CDH8: variants seen among roughly 807,000 people sequenced by gnomAD.
CDH8 encodes the protein cadherin-8.
In CDH8, 17 loss-of-function variants were observed where a neutral mutation model predicts 68.1. That is an observed-to-expected ratio of 0.25 (90% CI 0.17 to 0.37). CDH8 has a LOEUF of 0.37. Ranked by LOEUF, CDH8 falls within the 10% of genes least tolerant of loss-of-function variation. CDH8 has a pLI of 1.00. For synonymous variants in CDH8, 372 were observed against 365.1 expected (o/e 1.02, Z -0.21); for missense variants, 763 against 999.3 (o/e 0.76, Z 3.19).
chr16:61,782,130 G>T (rs529018816), intron 8 of CDH8, among the ~76,000 whole-genome samples: 1 of 152,188 alleles, frequency 6.6e-6, no homozygotes, highest in African/African-American at 2.4e-5. Flanking sequence ...AGCTCCCAGC[G>T]TGAGCGACGC....
At chr16:62,031,640 T>G (rs1902327627) in intron 1 of CDH8, among the ~76,000 whole-genome samples, 1 of 150,398 alleles carries the variant, frequency 6.6e-6, no homozygotes, top group Admixed American at 6.7e-5. Flanking sequence ...TCTATATACT[T>G]CTACCTACTA....
At chr16:61,993,720 T>A (rs1393893474) in intron 2 of CDH8, among the ~76,000 whole-genome samples, 2 of 152,176 alleles carry the variant, frequency 1.3e-5, no homozygotes, top group Non-Finnish European at 2.9e-5. Flanking sequence ...TTATGTGTGT[T>A]CATGCTTGTT....
intron 2 of CDH8, among the ~76,000 whole-genome samples, chr16:61,952,032 G>A (rs574057805): frequency 6.6e-6 from 1 of 152,116 alleles, no homozygotes; most frequent in Non-Finnish European, 1.5e-5. Context: ...GAAGACAGTG[G>A]CCATGTCTTC....
At chr16:61,747,938 T>C (rs1478438670) in intron 8 of CDH8, among the ~76,000 whole-genome samples, 1 of 152,062 alleles carries the variant, frequency 6.6e-6, no homozygotes, top group Non-Finnish European at 1.5e-5. Context: ...GGCTAAAAAA[T>C]AATTTATTTT....
chr16:61,725,021 T>G (rs1057291440), intron 9 of CDH8: 1 of 150,902 alleles, frequency 6.6e-6, no homozygotes, highest in Non-Finnish European at 1.5e-5. Context: ...CAGCCATATG[T>G]CCAAAAATGT....
intron 10 of CDH8, among the ~76,000 whole-genome samples, chr16:61,677,274 G>A (rs955069267): frequency 2.7e-5 from 4 of 149,374 alleles, no homozygotes; most frequent in Non-Finnish European, 4.5e-5. Flanking sequence ...TGATATAGCT[G>A]TAACCTGTCA....
Position 61,686,683 on chromosome 16 carries a change from G to C in CDH8, c.1654+27158C>G, listed in dbSNP as rs925660339. 1.6e-4 allele frequency among the ~76,000 whole-genome samples: 24 copies of C among 152,046 alleles called. 1 individual carries two copies. Among genetic ancestry groups the C allele is most frequent in the African/African-American group, 5.5e-4 (23 of 41,502 alleles). ...TGCAGTGAAATTGTTATCTATGTTG[G>C]AAATGCTACTTGGGTAAAGAAAAAG... On this transcript the variant is annotated intron_variant, in intron 10 of 11. Coordinates refer to ENST00000577390, the MANE Select transcript of CDH8 (RefSeq NM_001796.5).
chr16:61,758,190 C>T (rs1960370153), intron 8 of CDH8, among the ~76,000 whole-genome samples: 1 of 151,986 alleles, frequency 6.6e-6, no homozygotes, highest in Admixed American at 6.6e-5. Flanking sequence ...GAAAGGAAAC[C>T]TGTGTATATA....
chr16:61,685,625 A>G (rs1029051341), intron 10 of CDH8, among the ~76,000 whole-genome samples: 1 of 152,070 alleles, frequency 6.6e-6, no homozygotes, highest in Non-Finnish European at 1.5e-5. Context: ...TATTTTACAT[A>G]AGAGTGAGGA....
At chr16:61,813,778 G>A (rs140370103) in intron 7 of CDH8, among the ~76,000 whole-genome samples, 2 of 152,170 alleles carry the variant, frequency 1.3e-5, no homozygotes, top group East Asian at 3.9e-4. Context: ...CCCAGCTTTA[G>A]CTGCAACATA....
chr16:62,022,690 C>G (rs1395263084), intron 1 of CDH8, among the ~76,000 whole-genome samples: 1 of 152,094 alleles, frequency 6.6e-6, no homozygotes, highest in Non-Finnish European at 1.5e-5. Context: ...GGGAGGAAAC[C>G]TTTCACCTCT....
intron 10 of CDH8, chr16:61,693,169 G>A (rs1305014324): frequency 6.6e-6 from 1 of 151,894 alleles, no homozygotes; most frequent in Non-Finnish European, 1.5e-5. Flanking sequence ...TAAAAAATAG[G>A]GCTTACCGGG....
chr16:61,801,898 C>T (rs1353613291), intron 7 of CDH8, among the ~76,000 whole-genome samples: 3 of 150,558 alleles, frequency 2.0e-5, no homozygotes, highest in Middle Eastern at 3.4e-3. Flanking sequence ...GAGGGGCGCC[C>T]GCCATTGCCC....
chr16:61,827,134 C>T (rs1204420303), intron 4 of CDH8, among the ~76,000 whole-genome samples: 1 of 151,706 alleles, frequency 6.6e-6, no homozygotes, highest in African/African-American at 2.4e-5. Flanking sequence ...GTTGAGATAC[C>T]AAGATAGCTA....
intron 7 of CDH8, among the ~76,000 whole-genome samples, chr16:61,816,695 C>T (rs1962082532): frequency 6.6e-6 from 1 of 151,842 alleles, no homozygotes; most frequent in Non-Finnish European, 1.5e-5. Flanking sequence ...CAGGAGAAAG[C>T]TATTTAGCTG....
intron 4 of CDH8, among the ~76,000 whole-genome samples, chr16:61,826,028 T>C (rs187545330): frequency 2.6e-5 from 4 of 151,934 alleles, no homozygotes; most frequent in African/African-American, 7.2e-5. Flanking sequence ...CTTATTTAGC[T>C]CTCTACCTCC....
At position 61,998,920 on chromosome 16, in the gene CDH8, C is replaced by G. The variant is rs1341450512; in HGVS notation, c.252+22232G>C. Among the ~76,000 whole-genome samples the G allele has an allele frequency of 2.0e-5, 3 of 152,140 alleles. No individual in the cohort carries two copies. The East Asian group carries it at 5.8e-4, about 29-fold the overall frequency. ...CAGAGGGGAAAAAAAGGACTCAGAT[C>G]TAAGAAATTGGAAGGATAGATATTA... is the stretch of plus-strand genomic sequence containing the variant. On this transcript the variant is annotated intron_variant, in intron 2 of 11. Coordinates refer to ENST00000577390, the MANE Select transcript of CDH8 (RefSeq NM_001796.5).
intron 2 of CDH8, among the ~76,000 whole-genome samples, chr16:61,966,963 G>A (rs529508491): frequency 6.6e-5 from 10 of 152,278 alleles, no homozygotes; most frequent in African/African-American, 2.4e-4. Context: ...CCAACACTTT[G>A]GGAGGCCAAC....
At chr16:61,734,520 T>C (rs1033909572) in intron 8 of CDH8, among the ~76,000 whole-genome samples, 4 of 152,092 alleles carry the variant, frequency 2.6e-5, no homozygotes, top group African/African-American at 9.7e-5. Flanking sequence ...TGTGCCTACT[T>C]TGTGAGAGGC....
Sources: allele counts gnomAD v4.1 joint callset (sites outside exome capture counted in the v4.1 genomes callset), GRCh38; gene constraint gnomAD v4.1.1; transcripts MANE v1.5; gene names NCBI Gene and HGNC (gene_info 2026-07-23, HGNC 2026-07-21).